Variants in DNAH3 observed in about 807,000 individuals in gnomAD.
DNAH3 encodes the protein axonemal beta dynein heavy chain 3.
Under a neutral mutation model 432.5 loss-of-function variants are expected in DNAH3, and 332 were observed. The observed-to-expected ratio is 0.77, with a 90% CI of 0.70 to 0.84. The LOEUF (loss-of-function observed/expected upper bound fraction) is 0.84. Among genes scored for constraint, DNAH3 ranks in the 40% least tolerant of loss-of-function variants. The probability of loss-of-function intolerance (pLI) is 0.00; values close to 1 mark genes in which losing one functional copy is unlikely to be tolerated. For synonymous variants in DNAH3, 1,956 were observed against 1,900.2 expected, an observed-to-expected ratio of 1.03 and a Z score of -0.76; for missense variants, 4,861 against 5,114.0, an observed-to-expected ratio of 0.95 and a Z score of 1.51.
In DNAH3 at chr16:21,134,248, GGACTTCTTAC is replaced by G; in HGVS notation, c.1082+1_1082+10del. On this transcript the variant is annotated splice_donor_variant and splice_donor_5th_base_variant and intron_variant, in intron 7 of 61. Coordinates refer to ENST00000261383, the Ensembl canonical transcript of DNAH3. LOFTEE classifies it high-confidence loss of function. ...GAAAGGGAATGAAAAAAAAAGGGAG[GGACTTCTTAC>G]TCTGCAAACCACAGTTCTTTCAGCC... is the stretch of plus-strand genomic sequence containing the variant. The G allele has an allele frequency of 6.2e-7, 1 of 1,601,560 alleles. No homozygotes were observed. The highest frequency in any genetic ancestry group is 8.5e-7 in the Non-Finnish European group (1 of 1,174,270).
At chr16:21,035,279 ATCACG>A (rs1275267900) in intron 35 of DNAH3, among the ~76,000 whole-genome samples, 2 of 152,208 alleles carry the variant, frequency 1.3e-5, no homozygotes, top group Admixed American at 6.5e-5. Flanking sequence ...GTGAGCTGAG[ATCACG>A]TCACTGCACT....
chr16:21,111,495 T>C, intron 14 of DNAH3, 131 bp downstream of exon 14: 1 of 870,082 alleles, frequency 1.1e-6, no homozygotes, highest in South Asian at 1.8e-5. Context: ...TCACTACCCT[T>C]ACTTAGGGGC....
rs114963676 is a variant in DNAH3 at position 20,987,510 on chromosome 16, A to G, written c.6883-62T>C. 1.4e-3 allele frequency: 2,204 copies of G among 1,597,572 alleles called. 26 individuals carry two copies. The African/African-American group carries it at 0.027, about 19-fold the overall frequency. On this transcript the variant is annotated intron_variant, in intron 46 of 61. Transcript: ENST00000261383. ...GATGGTCCCTGAGGTGGTAGTTCTCAGTAGTAGGTAAGTCCTGGGGTTGAT... is the reference window on the plus strand; with the variant it reads ...GATGGTCCCTGAGGTGGTAGTTCTCGGTAGTAGGTAAGTCCTGGGGTTGAT...
At chr16:21,020,348 G>GTGTGTGTATGTATA in intron 40 of DNAH3, among the ~76,000 whole-genome samples, 1 of 69,178 alleles carries the variant, frequency 1.4e-5, no homozygotes, top group African/African-American at 6.4e-5. Context: ...TATAGTGTGT[G>GTGTGTGTATGTATA]TATATATATA....
At chr16:21,034,791 AG>A (rs1327269781) in intron 35 of DNAH3, among the ~76,000 whole-genome samples, 3 of 152,238 alleles carry the variant, frequency 2.0e-5, no homozygotes, top group Non-Finnish European at 2.9e-5. Context: ...TGGTAGAGAA[AG>A]GAACACATGT....
intron 1 of DNAH3, among the ~76,000 whole-genome samples, chr16:21,146,765 TTC>T (rs879414432): frequency 9.1e-4 from 107 of 117,396 alleles, no homozygotes; most frequent in African/African-American, 3.4e-3. Context: ...TTTTCTTTCT[TTC>T]TTTTTTTTTT....
At chr16:20,979,209 A>C (rs1377954408) in intron 50 of DNAH3, 121 bp downstream of exon 50, 1 of 831,892 alleles carries the variant, frequency 1.2e-6, no homozygotes, top group African/African-American at 1.7e-5. Flanking sequence ...TAAGCTCTGC[A>C]AATGCAGGGT....
At chr16:21,112,531 A>G (rs1211194146) in intron 12 of DNAH3, among the ~76,000 whole-genome samples, 1 of 152,110 alleles carries the variant, frequency 6.6e-6, no homozygotes, top group East Asian at 1.9e-4. Context: ...CCCCTGATAA[A>G]CCATCAGATC....
chr16:21,051,997 T>TTA, intron 28 of DNAH3, 129 bp from the exon 29 acceptor site: 1 of 743,722 alleles, frequency 1.3e-6, no homozygotes, highest in Admixed American at 3.0e-5. Context: ...TTATTTTATT[T>TTA]TATTTATTTT....
intron 56 of DNAH3, among the ~76,000 whole-genome samples, chr16:20,949,622 A>G (rs543156840): frequency 6.6e-6 from 1 of 152,326 alleles, no homozygotes; most frequent in Admixed American, 6.5e-5. Context: ...GGACTAGTGT[A>G]TATGTTGAGA....
At chr16:21,007,591 C>G (rs1050745093) in intron 41 of DNAH3, among the ~76,000 whole-genome samples, 1 of 152,120 alleles carries the variant, frequency 6.6e-6, no homozygotes, top group East Asian at 1.9e-4. Context: ...TATCATCACT[C>G]TATATATTCT....
chr16:20,942,116 C>A (rs1171170832), intron 58 of DNAH3, among the ~76,000 whole-genome samples: 1 of 151,510 alleles, frequency 6.6e-6, no homozygotes, highest in Non-Finnish European at 1.5e-5. Context: ...CAGGCAAGAG[C>A]CGAAGGGCCA....
At chr16:21,119,384 C>T (rs1019835441) in intron 11 of DNAH3, among the ~76,000 whole-genome samples, 1 of 152,070 alleles carries the variant, frequency 6.6e-6, no homozygotes, top group Non-Finnish European at 1.5e-5. Context: ...ATAATCCCCA[C>T]ACTTTGGGAG....
At chr16:20,956,562 A>G (rs2152601730) in intron 54 of DNAH3, among the ~76,000 whole-genome samples, 1 of 152,314 alleles carries the variant, frequency 6.6e-6, no homozygotes. Context: ...GGTCAGGATC[A>G]TATTACAGTA....
rs144003723 is a variant in DNAH3, at chr16:20,985,119, A to C, written c.7623T>G (p.Val2541=). 403 of 1,614,144 alleles carry C rather than the reference A, an allele frequency of 2.5e-4. 3 individuals are homozygous for C. In the East Asian group the frequency reaches 6.9e-3, roughly 27 times the overall value. ...TATACATAGAAAGAGGAGTGACTTC[A>C]ACCTTCTCTCCTTGGGTCCTGGCTG... is the stretch of plus-strand genomic sequence containing the variant. Residue 2541 remains valine (V), a synonymous_variant, in exon 48 of 62, where the codon GTT becomes GTG. Transcript: ENST00000261383.
chr16:21,155,984 G>C (rs2152838333), intron 1 of DNAH3, among the ~76,000 whole-genome samples: 1 of 152,176 alleles, frequency 6.6e-6, no homozygotes, highest in Non-Finnish European at 1.5e-5. Context: ...ACCAAAGTCT[G>C]GGTGGCTTAT....
chr16:21,077,415 G>A (rs572920126), intron 20 of DNAH3, among the ~76,000 whole-genome samples: 1 of 152,198 alleles, frequency 6.6e-6, no homozygotes, highest in South Asian at 2.1e-4. Context: ...CGCCCGCCTC[G>A]GCCTCCCAAA....
chr16:21,029,938 C>T (rs2088787560), intron 37 of DNAH3, among the ~76,000 whole-genome samples: 1 of 152,098 alleles, frequency 6.6e-6, no homozygotes, highest in South Asian at 2.1e-4. Context: ...ATCCTCACAC[C>T]TCAGCCTCCT....
At chr16:21,111,427 T>G (rs1482157808) in intron 14 of DNAH3, among the ~76,000 whole-genome samples, 199 bp downstream of exon 14, 1 of 152,118 alleles carries the variant, frequency 6.6e-6, no homozygotes. Flanking sequence ...ACCCGCCTAC[T>G]CCAACCCCCA....
Sources: gnomAD v4.1 joint callset for allele counts (sites outside exome capture counted in the v4.1 genomes callset) on GRCh38, gnomAD v4.1.1 for gene constraint, MANE v1.5 for transcripts, NCBI Gene and HGNC (gene_info 2026-07-23, HGNC 2026-07-21) for gene names.